DENND4C: variants seen among roughly 807,000 people sequenced by gnomAD.
DENND4C encodes the protein DENN domain-containing protein 4C.
DENND4C carries 108 observed loss-of-function variants against 203.0 expected under a neutral mutation model. The observed-to-expected ratio is 0.53, with a 90% CI of 0.46 to 0.62. The LOEUF is 0.62. DENND4C is among the 20% of genes least tolerant of loss of function. The probability of loss-of-function intolerance (pLI) is 0.00; values close to 1 mark genes in which losing one functional copy is unlikely to be tolerated. For missense variants in DENND4C, 2,481 were observed against 2,301.2 expected, an observed-to-expected ratio of 1.08 and a Z score of -1.60; for synonymous variants, 871 against 792.4, an observed-to-expected ratio of 1.10 and a Z score of -1.67.
intron 20 of DENND4C, 130 bp downstream of exon 20, chr9:19,336,962 A>G (rs1820611675): frequency 1.1e-6 from 1 of 878,758 alleles, no homozygotes; most frequent in African/African-American, 1.7e-5. Flanking sequence ...CTTACAAGAG[A>G]AACAATACGA....
chr9:19,308,797 T>G (rs1426931791), intron 10 of DENND4C, among the ~76,000 whole-genome samples: 1 of 152,246 alleles, frequency 6.6e-6, no homozygotes, highest in Non-Finnish European at 1.5e-5. Flanking sequence ...CTCATTTAGT[T>G]ATTTAATTCA....
intron 2 of DENND4C, among the ~76,000 whole-genome samples, chr9:19,279,292 G>C (rs769594000): frequency 6.6e-6 from 1 of 150,832 alleles, no homozygotes; most frequent in African/African-American, 2.5e-5. Flanking sequence ...TCACACCACT[G>C]CACTCCAGCC....
intron 1 of DENND4C, among the ~76,000 whole-genome samples, chr9:19,275,854 G>A (rs962570551): frequency 1.3e-4 from 20 of 152,276 alleles, no homozygotes; most frequent in African/African-American, 4.3e-4. Context: ...TGATCCACTT[G>A]CCTTGGCCCC....
intron 12 of DENND4C, among the ~76,000 whole-genome samples, chr9:19,319,327 CATAT>C (rs779555878): frequency 1.0e-5 from 1 of 97,032 alleles, no homozygotes; most frequent in Non-Finnish European, 2.3e-5. Context: ...CATATATATA[CATAT>C]ATATACACAT....
chr9:19,319,393 C>CAT (rs1309930109), intron 12 of DENND4C, among the ~76,000 whole-genome samples: 27 of 132,460 alleles, frequency 2.0e-4, no homozygotes, highest in Middle Eastern at 3.8e-3. Context: ...TATATATATA[C>CAT]ATATATATAT....
chr9:19,233,971 A>T (rs557296722), intron 1 of DENND4C, among the ~76,000 whole-genome samples: 2 of 152,166 alleles, frequency 1.3e-5, no homozygotes, highest in Non-Finnish European at 2.9e-5. Context: ...TCTAACACTT[A>T]TATTTTTCTG....
intron 1 of DENND4C, among the ~76,000 whole-genome samples, chr9:19,262,166 A>C (rs557926992): frequency 3.7e-5 from 5 of 133,714 alleles, no homozygotes; most frequent in Admixed American, 9.4e-5. Flanking sequence ...AGCTTACTGC[A>C]ACCTCCACCT....
intron 22 of DENND4C, among the ~76,000 whole-genome samples, 174 bp downstream of exon 22, chr9:19,342,953 G>A (rs1821977895): frequency 6.6e-6 from 1 of 152,136 alleles, no homozygotes. Context: ...TTATTTAAAG[G>A]TGTTTGATTT....
intron 16 of DENND4C, 134 bp from the exon 17 acceptor site, chr9:19,331,844 C>G (rs553591878): frequency 9.4e-6 from 7 of 746,024 alleles, no homozygotes; most frequent in Non-Finnish European, 1.5e-5. Context: ...AAGCCACTCA[C>G]AAAAGTCAAC....
At chr9:19,251,475 G>T (rs1206576675) in intron 1 of DENND4C, among the ~76,000 whole-genome samples, 1 of 152,216 alleles carries the variant, frequency 6.6e-6, no homozygotes, top group African/African-American at 2.4e-5. Context: ...CTGTCTTGGG[G>T]ATTAACATTC....
intron 1 of DENND4C, among the ~76,000 whole-genome samples, chr9:19,236,153 CTA>C (rs1821921999): frequency 6.6e-6 from 1 of 151,772 alleles, no homozygotes; most frequent in Non-Finnish European, 1.5e-5. Flanking sequence ...GAAAGAGGAT[CTA>C]TTAAAGAGGC....
chr9:19,255,839 A>G (rs981859428), intron 1 of DENND4C, among the ~76,000 whole-genome samples: 1 of 152,354 alleles, frequency 6.6e-6, no homozygotes. Flanking sequence ...TCAAGGATGT[A>G]GTAGACTTGT....
intron 1 of DENND4C, among the ~76,000 whole-genome samples, chr9:19,265,237 G>T (rs1260682805): frequency 6.6e-6 from 1 of 151,880 alleles, no homozygotes; most frequent in African/African-American, 2.4e-5. Context: ...GGCTGGTCTC[G>T]CACTCTGGGG....
chr9:19,261,461 T>C, intron 1 of DENND4C, among the ~76,000 whole-genome samples: 1 of 151,640 alleles, frequency 6.6e-6, no homozygotes, highest in East Asian at 1.9e-4. Context: ...TTTTTTTTTT[T>C]TTTAAACAAC....
chr9:19,247,422 G>T (rs1326610415), intron 1 of DENND4C, among the ~76,000 whole-genome samples: 4 of 152,084 alleles, frequency 2.6e-5, no homozygotes, highest in African/African-American at 4.8e-5. Flanking sequence ...TCAAGACAGG[G>T]TCTCATTCTG....
intron 1 of DENND4C, among the ~76,000 whole-genome samples, chr9:19,249,011 G>C (rs1294006551): frequency 6.6e-6 from 1 of 151,920 alleles, no homozygotes; most frequent in East Asian, 1.9e-4. Context: ...TGTTGGTCCC[G>C]AACACCTGAC....
At chr9:19,331,170 A>G (rs971334764) in intron 16 of DENND4C, among the ~76,000 whole-genome samples, 1 of 151,866 alleles carries the variant, frequency 6.6e-6, no homozygotes, top group Non-Finnish European at 1.5e-5. Context: ...CTATCAAACT[A>G]TTAGGAAAGT....
chr9:19,314,196 T>A (rs1291485124), intron 10 of DENND4C, among the ~76,000 whole-genome samples: 1 of 152,152 alleles, frequency 6.6e-6, no homozygotes, highest in African/African-American at 2.4e-5. Flanking sequence ...GGCTCATGCC[T>A]GTAGCCCCAG....
chr9:19,237,215 T>C (rs575273476), intron 1 of DENND4C, among the ~76,000 whole-genome samples: 68 of 151,062 alleles, frequency 4.5e-4, no homozygotes, highest in Non-Finnish European at 6.8e-4. Flanking sequence ...AGAGATGGGG[T>C]TTCACCATGG....
Sources: allele counts gnomAD v4.1 joint callset (sites outside exome capture counted in the v4.1 genomes callset), GRCh38; gene constraint gnomAD v4.1.1; transcripts MANE v1.5; gene names NCBI Gene and HGNC (gene_info 2026-07-23, HGNC 2026-07-21).